Variants in PID1 observed in about 807,000 individuals in gnomAD.
The protein encoded by PID1 is phosphotyrosine interaction domain containing 1.
In PID1, 10 loss-of-function variants were observed where a neutral mutation model predicts 19.1. The observed-to-expected ratio is 0.52, with a 90% CI of 0.32 to 0.89. The LOEUF (loss-of-function observed/expected upper bound fraction) is 0.89, where lower values mean the gene tolerates loss of function less well. Ranked by LOEUF, PID1 falls within the 40% of genes least tolerant of loss-of-function variation. PID1 has a pLI of 0.03. For missense variants in PID1, 248 were observed against 285.3 expected, an observed-to-expected ratio of 0.87 and a Z score of 0.94; for synonymous variants, 130 against 116.0, an observed-to-expected ratio of 1.12 and a Z score of -0.78.
intron 2 of PID1, among the ~76,000 whole-genome samples, chr2:229,098,219 G>A (rs1169271002): frequency 6.6e-6 from 1 of 152,184 alleles, no homozygotes; most frequent in African/African-American, 2.4e-5. Flanking sequence ...AAGAAGCTTG[G>A]ACAATTATCT....
chr2:229,230,236 T>C (rs1289312156), intron 1 of PID1, among the ~76,000 whole-genome samples: 1 of 152,200 alleles, frequency 6.6e-6, no homozygotes, highest in Non-Finnish European at 1.5e-5. Context: ...TGTTCAGAAC[T>C]GTAATTTGGT....
intron 2 of PID1, among the ~76,000 whole-genome samples, chr2:229,055,991 C>A (rs1694092038): frequency 6.6e-6 from 1 of 152,218 alleles, no homozygotes; most frequent in South Asian, 2.1e-4. Flanking sequence ...TTCAAATCCA[C>A]AGAAACCTCA....
intron 1 of PID1, among the ~76,000 whole-genome samples, chr2:229,203,282 A>G (rs988007472): frequency 3.3e-5 from 5 of 152,100 alleles, no homozygotes; most frequent in African/African-American, 1.2e-4. Flanking sequence ...TATTAGAGTT[A>G]TATCTACAAA....
rs1184270863 is a variant in PID1, at chr2:229,107,272, G to A, written c.177+48546C>T. On this transcript the variant is annotated intron_variant, in intron 2 of 2. Transcript: ENST00000392055. ...AGTTCCTGTTGTTTTAAGCCACCAA[G>A]TCTGTGCTACTTTGCTGCAGTAGCC... Among the ~76,000 whole-genome samples the A allele has an allele frequency of 9.2e-5, 14 of 152,230 alleles. No individual in the cohort carries two copies. In the East Asian group the frequency reaches 2.5e-3, roughly 27 times the overall value.
At chr2:229,139,059 G>GC (rs1689936792) in intron 2 of PID1, among the ~76,000 whole-genome samples, 1 of 32,350 alleles carries the variant, frequency 3.1e-5, no homozygotes, top group Non-Finnish European at 5.9e-5. Flanking sequence ...GAAAGAAAGA[G>GC]AAAGAAAGAA....
intron 2 of PID1, among the ~76,000 whole-genome samples, chr2:229,155,394 G>T (rs181419587): frequency 6.6e-6 from 1 of 151,824 alleles, no homozygotes; most frequent in Non-Finnish European, 1.5e-5. Flanking sequence ...GTGAAACCCC[G>T]TCTCTCCTAA....
intron 2 of PID1, among the ~76,000 whole-genome samples, chr2:229,145,088 C>T (rs1690098705): frequency 6.8e-6 from 1 of 146,952 alleles, no homozygotes; most frequent in Non-Finnish European, 1.5e-5. Flanking sequence ...TCCCCTAATG[C>T]AAAAGGTGAA....
intron 2 of PID1, among the ~76,000 whole-genome samples, chr2:229,086,742 C>T (rs740990): frequency 0.2 from 29,933 of 152,078 alleles, 3,874 homozygotes; most frequent in East Asian, 0.55. Context: ...AGTCTCCTGG[C>T]ATGAGTGGTA....
intron 2 of PID1, among the ~76,000 whole-genome samples, chr2:229,150,537 C>T (rs1224340478): frequency 6.6e-6 from 1 of 152,176 alleles, no homozygotes; most frequent in East Asian, 1.9e-4. Context: ...ATACACACAC[C>T]TCCCCTTGGT....
chr2:229,127,934 C>T (rs1184802602), intron 2 of PID1, among the ~76,000 whole-genome samples: 1 of 152,176 alleles, frequency 6.6e-6, no homozygotes, highest in Non-Finnish European at 1.5e-5. Context: ...TTTGGCTTCC[C>T]TTTGTCCAGC....
intron 1 of PID1, among the ~76,000 whole-genome samples, chr2:229,209,872 G>A (rs1057029791): frequency 2.6e-5 from 4 of 152,088 alleles, no homozygotes; most frequent in Non-Finnish European, 4.4e-5. Context: ...TGATCTTCCA[G>A]AGCATTCAAA....
chr2:229,127,033 G>C (rs982461163), intron 2 of PID1, among the ~76,000 whole-genome samples: 3 of 152,312 alleles, frequency 2.0e-5, no homozygotes, highest in African/African-American at 7.2e-5. Flanking sequence ...ATGCCAGCGG[G>C]GAGAGAGAAT....
At chr2:229,219,373 G>GA (rs762701385) in intron 1 of PID1, among the ~76,000 whole-genome samples, 13 of 152,140 alleles carry the variant, frequency 8.5e-5, no homozygotes, top group Admixed American at 1.3e-4. Context: ...GAAGTGCAGA[G>GA]AGAAGTCCGG....
chr2:229,152,413 A>G (rs1690275895), intron 2 of PID1, among the ~76,000 whole-genome samples: 1 of 152,120 alleles, frequency 6.6e-6, no homozygotes, highest in Non-Finnish European at 1.5e-5. Context: ...CCCCCACAAT[A>G]CCTATTTTTA....
intron 1 of PID1, among the ~76,000 whole-genome samples, chr2:229,232,695 T>C (rs906048146): frequency 6.8e-6 from 1 of 146,406 alleles, no homozygotes; most frequent in Non-Finnish European, 1.5e-5. Context: ...TATACATACA[T>C]ATATATATAT....
intron 1 of PID1, among the ~76,000 whole-genome samples, chr2:229,246,583 T>C (rs1014552148): frequency 6.6e-6 from 1 of 152,132 alleles, no homozygotes; most frequent in African/African-American, 2.4e-5. Flanking sequence ...CAAACTTTAG[T>C]GGCAATAAAT....
rs1690731682 is a variant in PID1 at position 229,271,249 on chromosome 2, C to T, written c.-206G>A. 2.2e-6 allele frequency: 1 copy of T among 451,410 alleles called. No homozygotes were observed. The highest frequency in any genetic ancestry group is 4.5e-5 in the Admixed American group (1 of 22,434). The allele number at this position is 451,410 out of a possible 1,614,324, so 28.0% of individuals were successfully genotyped here. ...GCTGCCGGCAACTTGTGGGCACGGC[C>T]GCGCGCCGGCTGTCCTGGCGCAGCT... On this transcript the variant is annotated 5_prime_UTR_variant, in exon 1 of 3. Coordinates refer to ENST00000392055, the MANE Select transcript of PID1 (RefSeq NM_001100818.2).
intron 1 of PID1, among the ~76,000 whole-genome samples, chr2:229,269,612 T>TA (rs1690682060): frequency 1.3e-5 from 2 of 152,362 alleles, no homozygotes; most frequent in South Asian, 4.1e-4. Context: ...GAATAGAAGT[T>TA]ACGCCTTTAA....
At chr2:229,048,578 A>G (rs984157886) in intron 2 of PID1, among the ~76,000 whole-genome samples, 2 of 152,176 alleles carry the variant, frequency 1.3e-5, no homozygotes, top group African/African-American at 4.8e-5. Flanking sequence ...CAGGGGCACT[A>G]ACCACGGCAG....
Sources: gnomAD v4.1 joint callset for allele counts (sites outside exome capture counted in the v4.1 genomes callset) on GRCh38, gnomAD v4.1.1 for gene constraint, MANE v1.5 for transcripts, NCBI Gene and HGNC (gene_info 2026-07-23, HGNC 2026-07-21) for gene names.